The following LRBA variants were observed in gnomAD, a reference collection of about 807,000 sequenced individuals.
LRBA encodes LPS responsive beige-like anchor protein.
In LRBA, 176 loss-of-function variants were observed where a neutral mutation model predicts 330.0. The observed-to-expected ratio is 0.53, with a 90% CI of 0.47 to 0.60. LRBA has a LOEUF of 0.60. Ranked by LOEUF, LRBA falls within the 20% of genes least tolerant of loss-of-function variation. The pLI, the probability that LRBA is intolerant of heterozygous loss-of-function variation, is 0.00. For synonymous variants in LRBA, 1,230 were observed against 1,193.0 expected (o/e 1.03, Z -0.64); for missense variants, 3,259 against 3,444.8 (o/e 0.95, Z 1.35).
intron 41 of LRBA, among the ~76,000 whole-genome samples, chr4:150,489,034 T>TATATATAATATATTATATATAAGA (rs1197666767): frequency 1.8e-5 from 2 of 113,838 alleles, no homozygotes; most frequent in African/African-American, 3.7e-5. Flanking sequence ...GAATATATAT[T>TATATATAATATATTATATATAAGA]ATATATAATA....
intron 49 of LRBA, among the ~76,000 whole-genome samples, chr4:150,322,420 T>C (rs1732639793): frequency 6.6e-6 from 1 of 152,228 alleles, no homozygotes; most frequent in East Asian, 1.9e-4. Flanking sequence ...ATGTCTGTTT[T>C]CTAATAGCTG....
At chr4:150,290,525 T>C (rs1728143857) in intron 53 of LRBA, among the ~76,000 whole-genome samples, 3 of 152,168 alleles carry the variant, frequency 2.0e-5, no homozygotes, top group African/African-American at 7.2e-5. Context: ...GAGAGAAAAA[T>C]TTATCTTGCT....
Position 150,344,900 on chromosome 4 carries a change from G to GTC in LRBA, c.7362+5090_7362+5091dup, listed in dbSNP as rs371359780. On this transcript the variant is annotated intron_variant, in intron 48 of 56. Coordinates refer to ENST00000651943, the MANE Select transcript of LRBA (RefSeq NM_001364905.1). ...AGACTGTTTAAGATCTGGCTCCTGT[G>GTC]TCTCTCTCTCTCTCATCTGCTAACC... is the stretch of plus-strand genomic sequence containing the variant. Among the ~76,000 whole-genome samples the GTC allele has an allele frequency of 6.2e-4, 94 of 151,852 alleles. No individual in the cohort carries two copies. In the South Asian group the frequency reaches 0.015, roughly 24 times the overall value.
At chr4:150,779,771 T>C (rs940111591) in intron 34 of LRBA, among the ~76,000 whole-genome samples, 1 of 152,162 alleles carries the variant, frequency 6.6e-6, no homozygotes, top group Non-Finnish European at 1.5e-5. Context: ...TGTTGGTTTC[T>C]GACAGCGTAA....
Position 150,921,186 on chromosome 4 carries a change from A to G in LRBA, c.645+12T>C. The stretch of plus-strand genomic sequence containing the variant: ...AGAACTGGGAGTGATTTCCTCATTA[A>G]TATTTACTTACTGCAGCACTCTTTC... On this transcript the variant is annotated intron_variant, in intron 5 of 56. Coordinates refer to ENST00000651943, the MANE Select transcript of LRBA (RefSeq NM_001364905.1). 2 of 1,553,544 alleles carry G rather than the reference A, an allele frequency of 1.3e-6. No homozygotes were observed. Among genetic ancestry groups the G allele is most frequent in the Non-Finnish European group, 1.8e-6 (2 of 1,125,222 alleles).
chr4:150,691,874 A>C (rs1026376862), intron 36 of LRBA, among the ~76,000 whole-genome samples: 1 of 152,184 alleles, frequency 6.6e-6, no homozygotes, highest in Admixed American at 6.5e-5. Context: ...AATAATACAC[A>C]CAACAATGTG....
intron 47 of LRBA, among the ~76,000 whole-genome samples, chr4:150,398,727 A>G (rs940835711): frequency 1.3e-4 from 20 of 152,048 alleles, no homozygotes; most frequent in Non-Finnish European, 2.8e-4. Flanking sequence ...ACTGGGCTCA[A>G]GTGATCATCC....
In LRBA at chr4:150,959,225, C is replaced by T. The variant is rs1201206; in HGVS notation, c.217-30160G>A. ...ACATGGCAGCAGCCAAGAGTGTGTG[C>T]AGGGGAACTCCCCTTTATAAAACCA... is the stretch of plus-strand genomic sequence containing the variant. On this transcript the variant is annotated intron_variant, in intron 2 of 56. Transcript: ENST00000651943. Among the ~76,000 whole-genome samples, 1,098 of 149,234 alleles carry T rather than the reference C, an allele frequency of 7.4e-3. 25 individuals carry two copies. The highest frequency in any genetic ancestry group is 0.024 in the Middle Eastern group (7 of 294).
At chr4:150,510,694 G>A (rs1292260747) in intron 40 of LRBA, among the ~76,000 whole-genome samples, 1 of 152,088 alleles carries the variant, frequency 6.6e-6, no homozygotes, top group African/African-American at 2.4e-5. Flanking sequence ...ATTTCATCCC[G>A]AATCACTGCT....
Position 150,893,040 on chromosome 4 carries a change from A to C in LRBA, c.2165+12T>G, listed in dbSNP as rs1357562580. The C allele has an allele frequency of 1.3e-6, 2 of 1,548,018 alleles. No individual in the cohort carries two copies. The highest frequency in any genetic ancestry group is 1.8e-6 in the Non-Finnish European group (2 of 1,131,634). On this transcript the variant is annotated intron_variant, in intron 17 of 56. Coordinates refer to ENST00000651943, the MANE Select transcript of LRBA (RefSeq NM_001364905.1). The stretch of plus-strand genomic sequence containing the variant: ...ACTAATCCCTTATATGAAATAGATT[A>C]AAAACTCTTACCGTAACCCATTCCT...
chr4:150,953,208 G>C (rs1302467220), intron 2 of LRBA, among the ~76,000 whole-genome samples: 1 of 152,156 alleles, frequency 6.6e-6, no homozygotes, highest in Non-Finnish European at 1.5e-5. Context: ...CAACTCAGCA[G>C]AAGATCAACA....
At chr4:150,666,824 A>G (rs768429741) in intron 37 of LRBA, among the ~76,000 whole-genome samples, 2 of 152,192 alleles carry the variant, frequency 1.3e-5, no homozygotes, top group Non-Finnish European at 2.9e-5. Flanking sequence ...AGTCACATCC[A>G]TTAAGTTTTC....
intron 30 of LRBA, among the ~76,000 whole-genome samples, chr4:150,818,330 T>C (rs1203706815): frequency 6.6e-6 from 1 of 152,076 alleles, no homozygotes; most frequent in Non-Finnish European, 1.5e-5. Flanking sequence ...TCAAGGTCTC[T>C]TGTGCTAGGC....
At chr4:150,847,455 T>G (rs186902822) in intron 26 of LRBA, among the ~76,000 whole-genome samples, 1 of 152,286 alleles carries the variant, frequency 6.6e-6, no homozygotes, top group East Asian at 1.9e-4. Context: ...GCATTTTGAG[T>G]AAAAATTATA....
intron 29 of LRBA, among the ~76,000 whole-genome samples, chr4:150,831,586 C>T (rs1280275877): frequency 6.6e-6 from 1 of 152,118 alleles, no homozygotes; most frequent in Non-Finnish European, 1.5e-5. Flanking sequence ...TTTTGTATAA[C>T]ATTTTCTGAC....
chr4:150,325,249 GC>G (rs1733086012), intron 49 of LRBA, among the ~76,000 whole-genome samples: 1 of 152,086 alleles, frequency 6.6e-6, no homozygotes, highest in African/African-American at 2.4e-5. Flanking sequence ...GGTGAAAAGA[GC>G]AGAAAAGATT....
chr4:151,004,644 G>A (rs190435067), intron 2 of LRBA, among the ~76,000 whole-genome samples: 102 of 152,292 alleles, frequency 6.7e-4, no homozygotes, highest in African/African-American at 2.3e-3. Context: ...CTGACAAAAA[G>A]CAAAATATAT....
rs147454765 is a variant in LRBA, at chr4:150,974,356, T to C, written c.216+40071A>G. 2.8e-3 allele frequency among the ~76,000 whole-genome samples: 427 copies of C among 152,264 alleles called. 2 individuals carry two copies. The highest frequency in any genetic ancestry group is 5.0e-3 in the Non-Finnish European group (337 of 68,012). On this transcript the variant is annotated intron_variant, in intron 2 of 56. Coordinates refer to ENST00000651943, the MANE Select transcript of LRBA (RefSeq NM_001364905.1). ...TCTTAGTAGTGGTCCCTTTGAGTAT[T>C]TGGATGAATACTAAACTGCATGGGC...
In LRBA at chr4:150,992,114, G is replaced by A. The variant is rs1443620517; in HGVS notation, c.216+22313C>T. The stretch of plus-strand genomic sequence containing the variant: ...GTACAATCACTGAGGTCAGGAGTTC[G>A]AGACCAGCCTAGCCAACATGGCGAA... On this transcript the variant is annotated intron_variant, in intron 2 of 56. Coordinates refer to ENST00000651943, the MANE Select transcript of LRBA (RefSeq NM_001364905.1). Among the ~76,000 whole-genome samples the A allele has an allele frequency of 3.3e-5, 5 of 152,148 alleles. No homozygotes were observed. The East Asian group carries it at 7.7e-4, about 24-fold the overall frequency.
Sources: allele counts gnomAD v4.1 joint callset (sites outside exome capture counted in the v4.1 genomes callset), GRCh38; gene constraint gnomAD v4.1.1; transcripts MANE v1.5; gene names NCBI Gene and HGNC (gene_info 2026-07-23, HGNC 2026-07-21).